Variants in BACH2 observed in about 807,000 individuals in gnomAD.
BACH2 encodes BACH transcriptional regulator 2, also known as transcription regulator protein BACH2.
BACH2 carries 5 observed loss-of-function variants against 61.8 expected under a neutral mutation model. The observed-to-expected ratio is 0.08, with a 90% CI of 0.04 to 0.17. BACH2 has a LOEUF of 0.17. Ranked by LOEUF, BACH2 falls within the 10% of genes least tolerant of loss-of-function variation. BACH2 has a pLI of 1.00. For synonymous variants in BACH2, 446 were observed against 440.1 expected, an observed-to-expected ratio of 1.01 and a Z score of -0.17; for missense variants, 824 against 1,091.1, an observed-to-expected ratio of 0.76 and a Z score of 3.45.
intron 4 of BACH2, among the ~76,000 whole-genome samples, chr6:90,196,384 A>T (rs1768758516): frequency 1.3e-5 from 2 of 152,192 alleles, no homozygotes; most frequent in Middle Eastern, 3.2e-3. Context: ...ATTAAAGTCT[A>T]TTAAAGTCTG....
chr6:89,984,542 C>T (rs1776133482), intron 6 of BACH2, among the ~76,000 whole-genome samples: 1 of 152,036 alleles, frequency 6.6e-6, no homozygotes, highest in Non-Finnish European at 1.5e-5. Flanking sequence ...GTGAAAGAAG[C>T]AGACACAAGT....
intron 4 of BACH2, among the ~76,000 whole-genome samples, chr6:90,158,766 G>A (rs1007340321): frequency 3.9e-5 from 1 of 25,500 alleles, no homozygotes; most frequent in Non-Finnish European, 7.2e-5. Flanking sequence ...TTCTTTTGGT[G>A]GGGGGGGGGC....
chr6:90,199,103 A>G (rs1302160505), intron 4 of BACH2, among the ~76,000 whole-genome samples: 2 of 152,202 alleles, frequency 1.3e-5, no homozygotes, highest in Non-Finnish European at 2.9e-5. Flanking sequence ...TTTTCTTTAT[A>G]AATTACCCAG....
intron 6 of BACH2, among the ~76,000 whole-genome samples, chr6:89,953,350 G>C (rs1409597784): frequency 2.0e-5 from 3 of 152,154 alleles, no homozygotes; most frequent in African/African-American, 7.2e-5. Flanking sequence ...ATTCTTTCCA[G>C]TAACGGAAAT....
At chr6:90,228,162 T>C (rs771803485) in intron 3 of BACH2, among the ~76,000 whole-genome samples, 4 of 152,276 alleles carry the variant, frequency 2.6e-5, no homozygotes, top group Non-Finnish European at 4.4e-5. Context: ...ATCTATATTT[T>C]CCAGTTGATT....
intron 4 of BACH2, among the ~76,000 whole-genome samples, chr6:90,118,153 A>T (rs1041626408): frequency 6.6e-6 from 1 of 152,240 alleles, no homozygotes; most frequent in Non-Finnish European, 1.5e-5. Context: ...TAAGCTTTAA[A>T]GCAAAGCCGT....
At chr6:90,055,664 G>A (rs12181855) in intron 5 of BACH2, among the ~76,000 whole-genome samples, 12,497 of 140,054 alleles carry the variant, frequency 0.089, 2,129 homozygotes, top group African/African-American at 0.36. Flanking sequence ...TCCAAGACAC[G>A]TAATTGTCAA....
Position 90,098,951 on chromosome 6 carries a change from G to A in BACH2, c.-161-9842C>T, listed in dbSNP as rs1037606336. 3.3e-5 allele frequency among the ~76,000 whole-genome samples: 5 copies of A among 152,288 alleles called. No homozygotes were observed. In the South Asian group the frequency reaches 6.2e-4, roughly 19 times the overall value. On this transcript the variant is annotated intron_variant, in intron 4 of 8. Coordinates refer to ENST00000257749, the MANE Select transcript of BACH2 (RefSeq NM_021813.4). ...ACATGCTGGCTCTACCCCAGTGTTAGGTTTTGCTTTTCAATTGGCAATCTT... is the reference window on the plus strand; with the variant it reads ...ACATGCTGGCTCTACCCCAGTGTTAAGTTTTGCTTTTCAATTGGCAATCTT...
At chr6:90,212,359 T>C (rs542272508) in intron 3 of BACH2, among the ~76,000 whole-genome samples, 1 of 152,186 alleles carries the variant, frequency 6.6e-6, no homozygotes, top group East Asian at 1.9e-4. Context: ...ATTCCCTGCT[T>C]CCTAAAGAAG....
At chr6:90,280,715 G>T (rs1402216884) in intron 1 of BACH2, among the ~76,000 whole-genome samples, 1 of 152,158 alleles carries the variant, frequency 6.6e-6, no homozygotes, top group African/African-American at 2.4e-5. Flanking sequence ...CGATGCTGCT[G>T]GTCCAGGGAC....
chr6:90,008,691 G>T lies in BACH2; in HGVS notation c.154C>A (p.Arg52=), dbSNP rs747200186. 5 of 1,614,054 alleles carry T rather than the reference G, an allele frequency of 3.1e-6. No homozygotes were observed. The highest frequency in any genetic ancestry group is 4.2e-6 in the Non-Finnish European group (5 of 1,180,030). The change falls in exon 6 of 9, where the codon CGG becomes AGG. Residue 52 remains arginine, a synonymous_variant. Transcript: ENST00000257749. This position sits in a 1 kb window ranked among gnomAD's most constrained non-coding sequence, Gnocchi z 4.1. ...IVERKEFRAH[R]AVLAACSEYF... is the part of the protein sequence containing the mutation. ...TCACTGCATGCGGCCAGCACAGCCC[G>T]GTGGGCCCGGAACTCCTTCCTCTCC...
intron 3 of BACH2, among the ~76,000 whole-genome samples, chr6:90,213,444 A>T (rs1769424728): frequency 6.6e-6 from 1 of 152,176 alleles, no homozygotes; most frequent in South Asian, 2.1e-4. Flanking sequence ...AACCTCCGGG[A>T]GAGAAAACTC....
chr6:90,106,456 T>C (rs1184181388), intron 4 of BACH2, among the ~76,000 whole-genome samples: 2 of 152,350 alleles, frequency 1.3e-5, no homozygotes, highest in South Asian at 2.1e-4. Context: ...TAGTATTTTG[T>C]AGAGTAATAT....
At chr6:89,995,045 T>C (rs547309354) in intron 6 of BACH2, among the ~76,000 whole-genome samples, 1 of 152,324 alleles carries the variant, frequency 6.6e-6, no homozygotes, top group African/African-American at 2.4e-5. Flanking sequence ...TTTGAGTTTC[T>C]CCAATTTCCC....
intron 2 of BACH2, among the ~76,000 whole-genome samples, chr6:90,268,129 C>A (rs1771404191): frequency 6.6e-6 from 1 of 151,766 alleles, no homozygotes; most frequent in Non-Finnish European, 1.5e-5. Flanking sequence ...ATGCCTCAGC[C>A]TCCTGAGTAG....
At chr6:90,269,733 T>C (rs1010287549) in intron 2 of BACH2, among the ~76,000 whole-genome samples, 1 of 152,224 alleles carries the variant, frequency 6.6e-6, no homozygotes, top group Non-Finnish European at 1.5e-5. Context: ...CAGTGCTATA[T>C]TGTTTGGATT....
intron 5 of BACH2, among the ~76,000 whole-genome samples, chr6:90,071,299 TGGA>T (rs1781216155): frequency 1.3e-5 from 2 of 152,216 alleles, no homozygotes; most frequent in Admixed American, 6.5e-5. Context: ...AGCCACTTTG[TGGA>T]GGAGAAAGCT....
intron 2 of BACH2, among the ~76,000 whole-genome samples, chr6:90,271,064 C>G (rs1290783492): frequency 2.0e-5 from 3 of 152,040 alleles, no homozygotes; most frequent in African/African-American, 7.2e-5. Context: ...TCACTTTATA[C>G]AAAAATCAAC....
chr6:89,992,156 TTA>T (rs1776609991), intron 6 of BACH2, among the ~76,000 whole-genome samples: 1 of 152,216 alleles, frequency 6.6e-6, no homozygotes, highest in Admixed American at 6.5e-5. Context: ...AGTTTCCTGT[TTA>T]TCCTTTCTGT....
Sources: allele counts gnomAD v4.1 joint callset (sites outside exome capture counted in the v4.1 genomes callset), GRCh38; gene constraint gnomAD v4.1.1; non-coding constraint Gnocchi (gnomAD v3.1); transcripts MANE v1.5; gene names NCBI Gene and HGNC (gene_info 2026-07-23, HGNC 2026-07-21).